GPN3: variants seen among roughly 807,000 people sequenced by gnomAD.
GPN3 encodes the protein ATP-binding domain 1 family member C.
A neutral mutation model predicts 38.7 loss-of-function variants in GPN3; 31 were observed. The ratio of observed to expected loss-of-function variants is 0.80; its 90% CI spans 0.60 to 1.08. The LOEUF is 1.08. GPN3 is among the 50% of genes least tolerant of loss of function. The pLI, the probability that GPN3 is intolerant of heterozygous loss-of-function variation, is 0.00. For synonymous variants in GPN3, 116 were observed against 120.2 expected, an observed-to-expected ratio of 0.96 and a Z score of 0.23; for missense variants, 301 against 354.4, an observed-to-expected ratio of 0.85 and a Z score of 1.21.
At chr12:110,462,440 T>G (rs1471111391) in intron 2 of GPN3, among the ~76,000 whole-genome samples, 1 of 152,186 alleles carries the variant, frequency 6.6e-6, no homozygotes, top group African/African-American at 2.4e-5. Context: ...CTTACTTTGC[T>G]ATGCCTTCTT....
intron 6 of GPN3, among the ~76,000 whole-genome samples, chr12:110,454,705 T>TAGAG (rs1419525044): frequency 6.6e-6 from 1 of 151,882 alleles, no homozygotes; most frequent in Non-Finnish European, 1.5e-5. Context: ...CTGCCTAGGC[T>TAGAG]AGAGCACAGT....
At chr12:110,453,926 A>C in intron 6 of GPN3, 55 bp from the exon 7 acceptor site, 1 of 1,393,470 alleles carries the variant, frequency 7.2e-7, no homozygotes, top group Non-Finnish European at 1.0e-6. Flanking sequence ...AAAATACATA[A>C]TTTTCAACTT....
chr12:110,459,492 G>C (rs1367434691), intron 3 of GPN3, among the ~76,000 whole-genome samples: 2 of 152,032 alleles, frequency 1.3e-5, no homozygotes, highest in South Asian at 2.1e-4. Flanking sequence ...CACCTGCCTC[G>C]GCCTCCCAAA....
chr12:110,468,458 C>G (rs1347869203), upstream of GPN3: 1 of 1,537,052 alleles, frequency 6.5e-7, no homozygotes, highest in South Asian at 1.2e-5. Flanking sequence ...GGGATGCTGT[C>G]TAAGCTTGGA....
At position 110,457,654 on chromosome 12, in the gene GPN3, A is replaced by G; in HGVS notation, c.326-20T>C. ...TCTGACCTACATGAAGAGTATTGCA[A>G]GAATTTTAGAAATAGCAAGTATGTT... On this transcript the variant is annotated intron_variant, in intron 3 of 7. Coordinates refer to ENST00000228827, the MANE Select transcript of GPN3 (RefSeq NM_016301.4). The G allele has an allele frequency of 6.4e-7, 1 of 1,553,016 alleles. No homozygotes were observed. The highest frequency in any genetic ancestry group is 8.7e-7 in the Non-Finnish European group (1 of 1,145,954).
rs142335418 is a variant in GPN3, at chr12:110,457,719, T to C, written c.326-85A>G. 174 of 987,932 alleles carry C rather than the reference T, an allele frequency of 1.8e-4. No homozygotes were observed. The African/African-American group carries it at 2.5e-3, about 14-fold the overall frequency. The allele number at this position is 987,932 out of a possible 1,614,324, so 61.2% of individuals were successfully genotyped here. Reference sequence around the variant, plus strand: ...GAGGAAACAAATTTTCCCCATAAGATGGACAAAAATAAAAGCCAACACATT... The same window carrying C: ...GAGGAAACAAATTTTCCCCATAAGACGGACAAAAATAAAAGCCAACACATT... On this transcript the variant is annotated intron_variant, in intron 3 of 7. Coordinates refer to ENST00000228827, the MANE Select transcript of GPN3 (RefSeq NM_016301.4).
rs77896521 is a variant in GPN3, at chr12:110,453,954, C to T, written c.664-83G>A. On this transcript the variant is annotated intron_variant, in intron 6 of 7. Coordinates refer to ENST00000228827, the MANE Select transcript of GPN3 (RefSeq NM_016301.4). ...TTCAACTTATATTTGAGTTTTATAA[C>T]CATTTGTACTTCTGAATAAAAACAC... 1,413 of 999,688 alleles carry T rather than the reference C, an allele frequency of 1.4e-3. 7 individuals are homozygous for T. In the African/African-American group the frequency reaches 0.021, roughly 15 times the overall value. The allele number at this position is 999,688 out of a possible 1,614,324, so 61.9% of individuals were successfully genotyped here. A position where few individuals can be genotyped will look rare whatever the true frequency, so the allele number is the denominator to read the frequency against.
chr12:110,453,767 T>C lies in GPN3; in HGVS notation c.768A>G (p.Glu256=), dbSNP rs1469937441. 1.2e-6 allele frequency: 2 copies of C among 1,602,634 alleles called. No homozygotes were observed. The highest frequency in any genetic ancestry group is 1.7e-6 in the Non-Finnish European group (2 of 1,169,822). The part of the protein sequence containing the change: ...QHIDFAIQYG[E]DLEFKEPKER... The stretch of plus-strand genomic sequence containing the variant: ...CCTTTGGTTCTTTAAATTCTAGGTC[T>C]TCTCCATATTGAATGGCAAAATCAA... Residue 256 remains glutamate, a synonymous_variant, in exon 7 of 8, where the codon GAA becomes GAG. Transcript: ENST00000228827.
intron 6 of GPN3, 114 bp from the exon 7 acceptor site, chr12:110,453,985 T>C (rs2062532376): frequency 1.4e-6 from 1 of 708,364 alleles, no homozygotes; most frequent in Non-Finnish European, 2.3e-6. Context: ...AACACTGATG[T>C]GTTTACAGGA....
intron 1 of GPN3, among the ~76,000 whole-genome samples, chr12:110,467,675 TCCATGTA>T (rs1028456092): frequency 1.4e-5 from 2 of 147,086 alleles, no homozygotes; most frequent in African/African-American, 5.3e-5. Flanking sequence ...TAATGTGGGG[TCCATGTA>T]CCACCTACCA....
chr12:110,459,917 C>T, intron 2 of GPN3, 55 bp from the exon 3 acceptor site: 3 of 1,401,228 alleles, frequency 2.1e-6, no homozygotes, highest in Non-Finnish European at 3.0e-6. Context: ...AATTGTTATC[C>T]TTACTAGAAA....
Position 110,455,651 on chromosome 12 carries a change from C to G in GPN3, c.598G>C (p.Glu200Gln), listed in dbSNP as rs1449992270. Residue 200 changes from glutamate to glutamine, a missense_variant, in exon 6 of 8, where the codon GAA (glutamate) becomes CAA (glutamine). Coordinates refer to ENST00000228827, the MANE Select transcript of GPN3 (RefSeq NM_016301.4). The stretch of plus-strand genomic sequence containing the variant: ...CTTCTTAAGTCACTTGTAGAATCTT[C>G]TAATAAAGAATACATGTCTGGATCT... ...FLDPDMYSLL[E>Q]DSTSDLRSKK... The G allele has an allele frequency of 4.4e-5, 61 of 1,381,502 alleles. No homozygotes were observed. The highest frequency in any genetic ancestry group is 6.2e-5 in the Non-Finnish European group (60 of 969,682). The allele number at this position is 1,381,502 out of a possible 1,614,324, so 85.6% of individuals were successfully genotyped here.
upstream of GPN3, chr12:110,468,608 T>G: frequency 6.5e-7 from 1 of 1,537,208 alleles, no homozygotes; most frequent in Non-Finnish European, 8.7e-7. Flanking sequence ...AATACTGAAG[T>G]GGAAGGCACC....
At chr12:110,462,998 C>T (rs1310201069) in intron 2 of GPN3, among the ~76,000 whole-genome samples, 3 of 152,174 alleles carry the variant, frequency 2.0e-5, no homozygotes, top group African/African-American at 4.8e-5. Context: ...CCTTGTGATC[C>T]GCCTGCCTCG....
intron 2 of GPN3, chr12:110,464,857 T>A (rs1273248951): frequency 1.6e-5 from 7 of 444,534 alleles, no homozygotes; most frequent in Non-Finnish European, 2.9e-5. Context: ...CCTCCCAAAG[T>A]GCTGGAATTA....
chr12:110,459,767 C>G lies in GPN3; in HGVS notation c.253G>C (p.Ala85Pro), dbSNP rs774778630. ...TTCTCCAGCCAGTCAAAATTATTGG[C>G]AAAGTACTCCATGCAAAATACCAAT... ...GGLVFCMEYF[A>P]NNFDWLENCL... Residue 85 changes from alanine to proline, a missense_variant, in exon 3 of 8, where the codon GCC becomes CCC. Physicochemically the swap from Ala to Pro is conservative, Grantham distance 27 (BLOSUM62 -1). Coordinates refer to ENST00000228827, the MANE Select transcript of GPN3 (RefSeq NM_016301.4). 2 of 1,612,714 alleles carry G rather than the reference C, an allele frequency of 1.2e-6. No homozygotes were observed. Among genetic ancestry groups the G allele is most frequent in the Non-Finnish European group, 1.7e-6 (2 of 1,178,678 alleles).
At position 110,452,537 on chromosome 12, in the gene GPN3, A is replaced by T. The variant is rs2062519593; in HGVS notation, c.*497T>A. On this transcript the variant is annotated 3_prime_UTR_variant, in exon 8 of 8. Transcript: ENST00000228827. ...TTAAAAACCTTTGTTTCTTTTATAT[A>T]TACACATACATATCTCAAAACATAG... 2 of 157,720 alleles carry T rather than the reference A, an allele frequency of 1.3e-5. No individual in the cohort carries two copies. The highest frequency in any genetic ancestry group is 6.1e-5 in the Admixed American group (1 of 16,370). 9.8% of individuals were successfully genotyped at this position (157,720 alleles called of 1,614,324 possible).
chr12:110,465,920 T>C (rs2062624157), intron 1 of GPN3, among the ~76,000 whole-genome samples: 1 of 151,944 alleles, frequency 6.6e-6, no homozygotes, highest in African/African-American at 2.4e-5. Flanking sequence ...CTACTAAAAA[T>C]ACAAAAATTA....
chr12:110,457,211 C>A (rs1255240393), intron 4 of GPN3, among the ~76,000 whole-genome samples: 2 of 151,372 alleles, frequency 1.3e-5, no homozygotes, highest in Admixed American at 1.3e-4. Flanking sequence ...TTTGGGAGGC[C>A]AAGGCAGGTG....
Sources: allele counts gnomAD v4.1 joint callset (sites outside exome capture counted in the v4.1 genomes callset), GRCh38; gene constraint gnomAD v4.1.1; transcripts MANE v1.5; gene names NCBI Gene and HGNC (gene_info 2026-07-23, HGNC 2026-07-21).